The following ANKRD28 variants were observed in gnomAD, a reference collection of about 807,000 sequenced individuals.
The protein encoded by ANKRD28 is ankyrin repeat domain 28.
Under a neutral mutation model 126.5 loss-of-function variants are expected in ANKRD28, and 44 were observed. The ratio of observed to expected loss-of-function variants is 0.35; its 90% CI spans 0.27 to 0.45. The LOEUF is 0.45. ANKRD28 is among the 20% of genes least tolerant of loss of function. The pLI is 1.00. For missense variants in ANKRD28, 1,110 were observed against 1,316.6 expected (o/e 0.84, Z 2.43); for synonymous variants, 442 against 468.5 (o/e 0.94, Z 0.73).
In ANKRD28 at chr3:15,815,650, A is replaced by G. The variant is rs958992371; in HGVS notation, c.28-20344T>C. Among the ~76,000 whole-genome samples, 3 of 152,140 alleles carry G rather than the reference A, an allele frequency of 2.0e-5. No homozygotes were observed. Among genetic ancestry groups the G allele is most frequent in the African/African-American group, 2.4e-5 (1 of 41,428 alleles). On this transcript the variant is annotated intron_variant, in intron 1 of 27. Transcript: ENST00000399451. This position sits in a 1 kb window ranked among gnomAD's most constrained non-coding sequence, Gnocchi z 4.1. ...GTCATCAATGCTATGACAAAGAATC[A>G]TCTTTGTTATAGTAATTACTATTGT...
At chr3:15,714,911 T>C (rs966212543) in intron 8 of ANKRD28, among the ~76,000 whole-genome samples, 2 of 152,182 alleles carry the variant, frequency 1.3e-5, no homozygotes, top group Admixed American at 6.5e-5. Flanking sequence ...AGTAAGGATG[T>C]GTCTCCCAAG....
intron 14 of ANKRD28, among the ~76,000 whole-genome samples, chr3:15,699,768 T>A (rs1390013860): frequency 1.3e-5 from 2 of 152,180 alleles, no homozygotes; most frequent in African/African-American, 4.8e-5. Context: ...GAAATAGGCA[T>A]GCTTTTACAC....
In ANKRD28 at chr3:15,839,825, GA is replaced by G. The variant is rs2061394944; in HGVS notation, c.27+19551del. Among the ~76,000 whole-genome samples, 1 of 152,116 alleles carries G rather than the reference GA, an allele frequency of 6.6e-6. No homozygotes were observed. The highest frequency in any genetic ancestry group is 1.5e-5 in the Non-Finnish European group (1 of 68,024). Reference sequence around the variant, plus strand: ...CCACATAGTCATGTCAACTGATGCTGAAAAAGCATTTGATAAAATTCAACAT... The same window carrying G: ...CCACATAGTCATGTCAACTGATGCTGAAAAGCATTTGATAAAATTCAACAT... On this transcript the variant is annotated intron_variant, in intron 1 of 27. Coordinates refer to the ANKRD28 transcript ENST00000399451. This position sits in a 1 kb window ranked among gnomAD's most constrained non-coding sequence, Gnocchi z 4.3.
At chr3:15,742,016 G>A (rs1231632003) in intron 4 of ANKRD28, among the ~76,000 whole-genome samples, 7 of 152,202 alleles carry the variant, frequency 4.6e-5, no homozygotes, top group Admixed American at 4.6e-4. Flanking sequence ...CGGGATTGCA[G>A]ACGGAGTCTG....
At chr3:15,727,460 G>A (rs1258713331) in intron 6 of ANKRD28, among the ~76,000 whole-genome samples, 1 of 151,026 alleles carries the variant, frequency 6.6e-6, no homozygotes, top group Non-Finnish European at 1.5e-5. Context: ...CCAGCTACTT[G>A]GGAGGCTGAG....
In ANKRD28 at chr3:15,712,204, C is replaced by T. The variant is rs868237626; in HGVS notation, c.1209G>A (p.Met403Ile). The T allele has an allele frequency of 1.9e-6, 3 of 1,583,604 alleles. No individual in the cohort carries two copies. The highest frequency in any genetic ancestry group is 2.7e-5 in the African/African-American group (2 of 74,340). ...ADTAKRGIHG[M>I]FPLHLAALSG... is the part of the protein sequence containing the mutation. Reference sequence around the variant, plus strand: ...TTAAGGCTGCCAAATGGAGGGGGAACATTCCATGTATGCCACGCCTAAAGT... The same window carrying T: ...TTAAGGCTGCCAAATGGAGGGGGAATATTCCATGTATGCCACGCCTAAAGT... The change falls in exon 11 of 28, where the codon ATG becomes ATA. Residue 403 changes from methionine (M) to isoleucine (I), a missense_variant. Transcript: ENST00000683139.
At chr3:15,705,817 A>G (rs2071277875) in intron 14 of ANKRD28, among the ~76,000 whole-genome samples, 1 of 152,020 alleles carries the variant, frequency 6.6e-6, no homozygotes, top group Admixed American at 6.6e-5. Flanking sequence ...CCTGGCCAAC[A>G]TGGTGAATCT....
intron 4 of ANKRD28, among the ~76,000 whole-genome samples, chr3:15,747,547 G>A (rs183536453): frequency 1.8e-4 from 28 of 152,152 alleles, no homozygotes; most frequent in African/African-American, 6.5e-4. Context: ...TTCCACTGTG[G>A]TCTGAGAGAG....
In ANKRD28 at chr3:15,843,537, C is replaced by A. The variant is rs902563052; in HGVS notation, c.27+15840G>T. On this transcript the variant is annotated intron_variant, in intron 1 of 27. Coordinates refer to the ANKRD28 transcript ENST00000399451. The surrounding 1 kb of genome is among the most constrained non-coding windows in gnomAD (Gnocchi z 5.2). ...AGAGATAAACAATACACCTCAATTT[C>A]AAATAAGGATAGAATTAGGAGTACA... Among the ~76,000 whole-genome samples the A allele has an allele frequency of 3.3e-5, 5 of 151,364 alleles. No homozygotes were observed. Among genetic ancestry groups the A allele is most frequent in the African/African-American group, 1.2e-4 (5 of 41,124 alleles).
At position 15,679,500 on chromosome 3, in the gene ANKRD28, G is replaced by T. The variant is rs370066621; in HGVS notation, c.2453C>A (p.Ala818Asp). 4.3e-6 allele frequency: 7 copies of T among 1,613,750 alleles called. No individual in the cohort carries two copies. Among genetic ancestry groups the T allele is most frequent in the African/African-American group, 1.3e-5 (1 of 74,922 alleles). The change falls in exon 22 of 28, where the codon GCT (alanine) becomes GAT (aspartate). Residue 818 changes from alanine to aspartate, a missense_variant. Transcript: ENST00000683139. The part of the protein sequence containing the change: ...QEVFQKTEGN[A>D]FSPLHCAVIN... ...CACGGCACAATGCAATGGACTAAAA[G>T]CATTTCCTTCCGTTTTCTGGAAAAC...
rs1226795631 is a variant in ANKRD28 at position 15,850,204 on chromosome 3, A to AATATATAT, written c.27+9165_27+9172dup. ...TCTACATGCAATAAAAAAAAAAAAAAATATATATATATATATATATAGAGA... is the reference window on the plus strand; with the variant it reads ...TCTACATGCAATAAAAAAAAAAAAAAATATATATATATATATATATATATATATAGAGA... On this transcript the variant is annotated intron_variant, in intron 1 of 27. Transcript: ENST00000399451. 1.7e-3 allele frequency among the ~76,000 whole-genome samples: 94 copies of AATATATAT among 54,776 alleles called. 3 individuals carry two copies. Among genetic ancestry groups the AATATATAT allele is most frequent in the African/African-American group, 4.8e-3 (81 of 16,876 alleles). The allele number at this position is 54,776 out of a possible 152,430, so 35.9% of individuals were successfully genotyped here. A position where few individuals can be genotyped will look rare whatever the true frequency, so the allele number is the denominator to read the frequency against.
rs979290509 is a variant in ANKRD28, at chr3:15,854,608, A to T, written c.27+4769T>A. On this transcript the variant is annotated intron_variant, in intron 1 of 27. Transcript: ENST00000399451. The surrounding 1 kb of genome is among the most constrained non-coding windows in gnomAD (Gnocchi z 4.1). ...TACATTTTCAATTAATATGCTCCAC[A>T]TGTTTTCCTTCAGCCTCTATAAGTC... Among the ~76,000 whole-genome samples, 1 of 151,980 alleles carries T rather than the reference A, an allele frequency of 6.6e-6. No individual in the cohort carries two copies. The highest frequency in any genetic ancestry group is 1.5e-5 in the Non-Finnish European group (1 of 68,004).
intron 3 of ANKRD28, among the ~76,000 whole-genome samples, chr3:15,759,768 G>C (rs541195858): frequency 5.9e-5 from 9 of 152,176 alleles, no homozygotes. Flanking sequence ...TGAGTCAAGC[G>C]AAGCTTCTTC....
chr3:15,705,885 G>T (rs561008037), intron 14 of ANKRD28, among the ~76,000 whole-genome samples: 1 of 152,110 alleles, frequency 6.6e-6, no homozygotes, highest in African/African-American at 2.4e-5. Context: ...TGTAGTCCCA[G>T]CTACTCAGGA....
chr3:15,811,248 T>A (rs572031357), intron 1 of ANKRD28, among the ~76,000 whole-genome samples: 1 of 152,302 alleles, frequency 6.6e-6, no homozygotes, highest in Admixed American at 6.5e-5. Context: ...ATTATTTCCC[T>A]GAATTAAGAT....
chr3:15,762,188 TAAAAAAAAAAAAAAAAAAAA>T (rs1163421626), intron 3 of ANKRD28, among the ~76,000 whole-genome samples: 1 of 64,980 alleles, frequency 1.5e-5, no homozygotes, highest in South Asian at 5.9e-4. Context: ...ACTATGTCTT[TAAAAAAAAAAAAAAAAAAAA>T]AAAAACAAAA....
chr3:15,732,798 T>C (rs1482826927), intron 6 of ANKRD28: 1 of 152,278 alleles, frequency 6.6e-6, no homozygotes, highest in Non-Finnish European at 1.5e-5. Flanking sequence ...AGAAAGTTTA[T>C]TTTTACAAAC....
At chr3:15,784,037 C>T (rs191315411) in intron 2 of ANKRD28, among the ~76,000 whole-genome samples, 8 of 151,350 alleles carry the variant, frequency 5.3e-5, no homozygotes, top group African/African-American at 1.9e-4. Context: ...AAAGCATTGA[C>T]AGAAAAAAAA....
chr3:15,813,313 C>T (rs777217601), intron 1 of ANKRD28, among the ~76,000 whole-genome samples: 14 of 152,094 alleles, frequency 9.2e-5, no homozygotes, highest in South Asian at 6.2e-4. Context: ...CTGCAGTCAG[C>T]CCTGATCACA....
Sources: allele counts gnomAD v4.1 joint callset (sites outside exome capture counted in the v4.1 genomes callset), GRCh38; gene constraint gnomAD v4.1.1; non-coding constraint Gnocchi (gnomAD v3.1); transcripts MANE v1.5; gene names NCBI Gene and HGNC (gene_info 2026-07-23, HGNC 2026-07-21).